Variants in RANBP2 observed in about 807,000 individuals in gnomAD.
RANBP2 encodes E3 SUMO-protein ligase RanBP2.
A neutral mutation model predicts 303.6 loss-of-function variants in RANBP2; 57 were observed. The observed-to-expected ratio is 0.19, with a 90% CI of 0.15 to 0.23. The LOEUF (loss-of-function observed/expected upper bound fraction) is 0.23, where lower values mean the gene tolerates loss of function less well. Ranked by LOEUF, RANBP2 falls within the 10% of genes least tolerant of loss-of-function variation. The pLI, the probability that RANBP2 is intolerant of heterozygous loss-of-function variation, is 1.00. For missense variants in RANBP2, 3,138 were observed against 3,780.8 expected, an observed-to-expected ratio of 0.83 and a Z score of 4.46; for synonymous variants, 1,167 against 1,301.5, an observed-to-expected ratio of 0.90 and a Z score of 2.23.
the RANBP2 span, among the ~76,000 whole-genome samples, chr2:108,885,672 C>T: frequency 2.0e-5 from 3 of 152,182 alleles, no homozygotes; most frequent in Non-Finnish European, 4.4e-5. Flanking sequence ...TAAGTATAGT[C>T]ACCCCAGTCA....
At chr2:108,843,520 AAT>A in the RANBP2 span, among the ~76,000 whole-genome samples, 2 of 152,146 alleles carry the variant, frequency 1.3e-5, no homozygotes, top group Admixed American at 1.3e-4. Context: ...ATTTCCTTTC[AAT>A]TACTGAAGGA....
At chr2:108,986,214 A>T in the RANBP2 span, among the ~76,000 whole-genome samples, 1 of 152,122 alleles carries the variant, frequency 6.6e-6, no homozygotes, top group Non-Finnish European at 1.5e-5. Flanking sequence ...ACAATGGCCT[A>T]TATTTGACAG....
At chr2:109,601,092 G>A in the RANBP2 span, among the ~76,000 whole-genome samples, 3 of 152,104 alleles carry the variant, frequency 2.0e-5, no homozygotes, top group Non-Finnish European at 2.9e-5. Flanking sequence ...GGTTCTTAAG[G>A]AGCCTCCATT....
the RANBP2 span, among the ~76,000 whole-genome samples, chr2:109,629,099 A>G: frequency 1.3e-5 from 2 of 151,296 alleles, no homozygotes; most frequent in Non-Finnish European, 2.9e-5. Flanking sequence ...CTACTCGGTA[A>G]GCTGAGGCAG....
Position 108,768,130 on chromosome 2 carries a change from A to G in RANBP2, c.7591A>G (p.Lys2531Glu), listed in dbSNP as rs1278813348. 6.2e-7 allele frequency: 1 copy of G among 1,612,074 alleles called. No homozygotes were observed. The highest frequency in any genetic ancestry group is 8.5e-7 in the Non-Finnish European group (1 of 1,179,872). ...AAGCATTTTTAGTAGTGAAAAATCA[A>G]AACCATTTGCATTCGGCAACAGTTC... ...VKSIFSSEKS[K>E]PFAFGNSSAT... The change falls in exon 20 of 29, where the codon AAA (lysine) becomes GAA (glutamate). Residue 2531 changes from lysine (K) to glutamate (E), a missense_variant. Physicochemically the swap from Lys to Glu is moderately conservative, Grantham distance 56. Around this residue, in one of 20 missense-constraint regions of RANBP2, gnomAD observed 497 missense variants for 465.8 expected, o/e 1.07. Coordinates refer to ENST00000283195, the MANE Select transcript of RANBP2 (RefSeq NM_006267.5).
the RANBP2 span, among the ~76,000 whole-genome samples, chr2:109,388,889 A>G: frequency 6.6e-6 from 1 of 152,084 alleles, no homozygotes; most frequent in South Asian, 2.1e-4. Context: ...TGCCACCTGG[A>G]GGCTTTCTAG....
chr2:109,732,007 C>A, the RANBP2 span, among the ~76,000 whole-genome samples: 2 of 151,946 alleles, frequency 1.3e-5, no homozygotes, highest in Non-Finnish European at 2.9e-5. Flanking sequence ...CACCACCATG[C>A]CCAGTTAACT....
At chr2:108,892,998 C>CT in the RANBP2 span, among the ~76,000 whole-genome samples, 1 of 152,196 alleles carries the variant, frequency 6.6e-6, no homozygotes, top group Non-Finnish European at 1.5e-5. Context: ...ATTGCTGTAC[C>CT]TAGGTAAATT....
the RANBP2 span, among the ~76,000 whole-genome samples, chr2:108,864,518 C>T: frequency 6.6e-6 from 1 of 151,960 alleles, no homozygotes; most frequent in African/African-American, 2.4e-5. Context: ...AAAAAATTAG[C>T]CGGGCACGGT....
At chr2:109,353,490 C>T in the RANBP2 span, among the ~76,000 whole-genome samples, 57 of 152,254 alleles carry the variant, frequency 3.7e-4, no homozygotes, top group Non-Finnish European at 6.2e-4. Flanking sequence ...GGGTTGAGAC[C>T]CCACCACCGC....
chr2:109,578,698 C>T, the RANBP2 span, among the ~76,000 whole-genome samples: 7 of 151,678 alleles, frequency 4.6e-5, no homozygotes, highest in Non-Finnish European at 1.0e-4. Context: ...ACCTGGGAGG[C>T]GGTGGTTACA....
At chr2:109,459,949 A>G in the RANBP2 span, among the ~76,000 whole-genome samples, 2 of 152,240 alleles carry the variant, frequency 1.3e-5, no homozygotes, top group African/African-American at 4.8e-5. Flanking sequence ...GATTCAGAGC[A>G]TACCCAGCCT....
At chr2:108,926,931 G>A in the RANBP2 span, among the ~76,000 whole-genome samples, 1 of 152,222 alleles carries the variant, frequency 6.6e-6, no homozygotes, top group African/African-American at 2.4e-5. Flanking sequence ...GACACAGCGT[G>A]ACAGCCTCGT....
At chr2:109,349,729 C>A in the RANBP2 span, among the ~76,000 whole-genome samples, 4 of 152,344 alleles carry the variant, frequency 2.6e-5, no homozygotes, top group East Asian at 5.8e-4. Context: ...CCACTGTGAA[C>A]GGGCTGTCGC....
At chr2:109,598,660 T>C in the RANBP2 span, among the ~76,000 whole-genome samples, 7 of 151,758 alleles carry the variant, frequency 4.6e-5, no homozygotes, top group Non-Finnish European at 1.5e-5. Context: ...CTGGCCAACA[T>C]GGTGAAACCC....
At chr2:109,020,734 ATAGCGACATCAGGGCGCATTTTTAGTTT>A in the RANBP2 span, among the ~76,000 whole-genome samples, 2 of 152,372 alleles carry the variant, frequency 1.3e-5, no homozygotes, top group Non-Finnish European at 2.9e-5. Context: ...GTGGTTTATA[ATAGCGACATCAGGGCGCATTTTTAGTTT>A]TACCAGTCAA....
At chr2:109,447,160 A>G in the RANBP2 span, among the ~76,000 whole-genome samples, 1 of 149,890 alleles carries the variant, frequency 6.7e-6, no homozygotes, top group Non-Finnish European at 1.5e-5. Context: ...AAAAAAAAAA[A>G]AAAAAAAAGA....
At chr2:109,613,874 G>C in the RANBP2 span, 1 of 1,230,956 alleles carries the variant, frequency 8.1e-7, no homozygotes, top group Non-Finnish European at 1.0e-6. Context: ...GCCCGGCCCC[G>C]AGCGGCTGGT....
At chr2:109,538,522 G>A in the RANBP2 span, among the ~76,000 whole-genome samples, 2 of 152,138 alleles carry the variant, frequency 1.3e-5, no homozygotes, top group Non-Finnish European at 1.5e-5. Flanking sequence ...ACTTTATGCC[G>A]TGTCTTTTAT....
Sources: gnomAD v4.1 joint callset for allele counts (sites outside exome capture counted in the v4.1 genomes callset) on GRCh38, gnomAD v4.1.1 for gene constraint, gnomAD v4.1.1 regional missense constraint, MANE v1.5 for transcripts, NCBI Gene and HGNC (gene_info 2026-07-23, HGNC 2026-07-21) for gene names.